The following SUGCT variants were observed in gnomAD, a reference collection of about 807,000 sequenced individuals.
SUGCT encodes succinyl-CoA:glutarate-CoA transferase.
In SUGCT, 41 loss-of-function variants were observed where a neutral mutation model predicts 55.0. The ratio of observed to expected loss-of-function variants is 0.74; its 90% CI spans 0.58 to 0.97. The LOEUF (loss-of-function observed/expected upper bound fraction) is 0.97, where lower values mean the gene tolerates loss of function less well. Among genes scored for constraint, SUGCT ranks in the 50% least tolerant of loss-of-function variants. SUGCT has a pLI of 0.00. For missense variants in SUGCT, 568 were observed against 547.8 expected (o/e 1.04, Z -0.37); for synonymous variants, 187 against 200.4 (o/e 0.93, Z 0.56).
intron 1 of SUGCT, among the ~76,000 whole-genome samples, chr7:40,161,598 C>T (rs1490365568): frequency 6.6e-6 from 1 of 152,234 alleles, no homozygotes; most frequent in Non-Finnish European, 1.5e-5. Context: ...TTTGGTCAGT[C>T]TTCTCCGTAG....
chr7:40,858,777 GA>G (rs1345257245), intron 13 of SUGCT, among the ~76,000 whole-genome samples: 1 of 152,142 alleles, frequency 6.6e-6, no homozygotes, highest in Non-Finnish European at 1.5e-5. Flanking sequence ...GCATTTAAAA[GA>G]AAATGTGAGA....
intron 12 of SUGCT, among the ~76,000 whole-genome samples, chr7:40,687,616 T>A (rs1019999120): frequency 6.6e-6 from 1 of 152,156 alleles, no homozygotes; most frequent in Non-Finnish European, 1.5e-5. Context: ...CGTAGAGAAC[T>A]GGAATGGTTA....
intron 1 of SUGCT, among the ~76,000 whole-genome samples, chr7:40,145,328 A>C (rs1219099184): frequency 6.6e-6 from 1 of 152,212 alleles, no homozygotes; most frequent in Non-Finnish European, 1.5e-5. Flanking sequence ...TACATTATAC[A>C]ACATTTCTTG....
At chr7:40,655,653 C>T (rs1800983530) in intron 12 of SUGCT, among the ~76,000 whole-genome samples, 2 of 152,234 alleles carry the variant, frequency 1.3e-5, no homozygotes, top group Non-Finnish European at 2.9e-5. Flanking sequence ...AAGATGATCA[C>T]AATATGTGAG....
At chr7:40,390,167 C>G (rs1326804130) in intron 9 of SUGCT, among the ~76,000 whole-genome samples, 3 of 152,200 alleles carry the variant, frequency 2.0e-5, no homozygotes, top group African/African-American at 4.8e-5. Flanking sequence ...GACAAACCCA[C>G]AGCCAATATC....
chr7:40,662,942 A>G (rs1584233185), intron 12 of SUGCT, among the ~76,000 whole-genome samples: 1 of 152,198 alleles, frequency 6.6e-6, no homozygotes, highest in Admixed American at 6.5e-5. Flanking sequence ...GCTAATAAAT[A>G]TTTGCTGAAT....
At chr7:40,954,515 T>G in the SUGCT span, among the ~76,000 whole-genome samples, 7,731 of 152,244 alleles carry the variant, frequency 0.051, 294 homozygotes, top group South Asian at 0.16. Flanking sequence ...CAGTTGGAAA[T>G]GCAGAAATCA....
chr7:40,202,487 A>C (rs192850402), intron 6 of SUGCT, among the ~76,000 whole-genome samples: 1 of 151,962 alleles, frequency 6.6e-6, no homozygotes, highest in African/African-American at 2.4e-5. Context: ...CTGCATGTCT[A>C]TGTGTTTCGG....
At chr7:41,027,447 T>A in the SUGCT span, among the ~76,000 whole-genome samples, 1 of 152,196 alleles carries the variant, frequency 6.6e-6, no homozygotes, top group South Asian at 2.1e-4. Context: ...TGACTAGGTT[T>A]GAAGCTTACA....
intron 12 of SUGCT, among the ~76,000 whole-genome samples, chr7:40,660,907 A>G (rs930827542): frequency 6.6e-6 from 1 of 152,074 alleles, no homozygotes; most frequent in East Asian, 1.9e-4. Flanking sequence ...TCCCAGCATT[A>G]TAACCTTCTT....
At chr7:40,795,410 C>T (rs1403465961) in intron 13 of SUGCT, among the ~76,000 whole-genome samples, 1 of 152,056 alleles carries the variant, frequency 6.6e-6, no homozygotes, top group Non-Finnish European at 1.5e-5. Context: ...CTTCTTTCAC[C>T]AAATAAATGA....
chr7:40,217,841 GA>G (rs1159322694), intron 6 of SUGCT, among the ~76,000 whole-genome samples: 1 of 152,162 alleles, frequency 6.6e-6, no homozygotes, highest in Admixed American at 6.6e-5. Context: ...AGATGGGCTT[GA>G]AAAACTGTCA....
chr7:40,220,574 T>C (rs1334422888), intron 6 of SUGCT, among the ~76,000 whole-genome samples: 1 of 152,166 alleles, frequency 6.6e-6, no homozygotes, highest in Non-Finnish European at 1.5e-5. Context: ...CTTTTAATGA[T>C]TCATCCACCC....
chr7:40,475,434 C>T (rs1035650666), intron 11 of SUGCT, among the ~76,000 whole-genome samples: 3 of 152,152 alleles, frequency 2.0e-5, no homozygotes, highest in East Asian at 3.9e-4. Context: ...TTAGTAACTT[C>T]GGTGAAATCC....
chr7:40,176,864 T>C (rs1438376099), intron 1 of SUGCT, among the ~76,000 whole-genome samples: 2 of 150,182 alleles, frequency 1.3e-5, no homozygotes, highest in African/African-American at 4.9e-5. Context: ...TCCCAGCTAC[T>C]TGGGAGGCTG....
At chr7:40,244,360 G>C (rs915107232) in intron 7 of SUGCT, among the ~76,000 whole-genome samples, 14 of 152,164 alleles carry the variant, frequency 9.2e-5, no homozygotes, top group Admixed American at 2.6e-4. Flanking sequence ...AAGCAGGAAG[G>C]AATCAGGCGG....
At chr7:40,230,908 G>A (rs1042304515) in intron 6 of SUGCT, among the ~76,000 whole-genome samples, 1 of 152,156 alleles carries the variant, frequency 6.6e-6, no homozygotes, top group African/African-American at 2.4e-5. Context: ...CTCAGTTATA[G>A]TTGTAAAAAG....
chr7:40,792,413 C>A (rs1228539325), intron 13 of SUGCT, among the ~76,000 whole-genome samples: 1 of 152,116 alleles, frequency 6.6e-6, no homozygotes, highest in African/African-American at 2.4e-5. Context: ...AAAAGCCCTA[C>A]ATTTTCTGGT....
the SUGCT span, among the ~76,000 whole-genome samples, chr7:40,868,530 A>T: frequency 6.6e-6 from 1 of 152,160 alleles, no homozygotes; most frequent in Non-Finnish European, 1.5e-5. Context: ...CCATGACACC[A>T]AGATAGCCTT....
Sources: allele counts gnomAD v4.1 joint callset (sites outside exome capture counted in the v4.1 genomes callset), GRCh38; gene constraint gnomAD v4.1.1; transcripts MANE v1.5; gene names NCBI Gene and HGNC (gene_info 2026-07-23, HGNC 2026-07-21).